Variants in NELL2 observed in about 807,000 individuals in gnomAD.
The protein encoded by NELL2 is protein kinase C-binding protein NELL2.
A neutral mutation model predicts 109.6 loss-of-function variants in NELL2; 41 were observed. That is an observed-to-expected ratio of 0.37 (90% confidence interval 0.29 to 0.49). NELL2 has a LOEUF of 0.49. Ranked by LOEUF, NELL2 falls within the 20% of genes least tolerant of loss-of-function variation. NELL2 has a pLI of 0.98. For missense variants in NELL2, 900 were observed against 1,008.3 expected, an observed-to-expected ratio of 0.89 and a Z score of 1.45; for synonymous variants, 355 against 344.7, an observed-to-expected ratio of 1.03 and a Z score of -0.33.
In NELL2 at chr12:44,875,059, C is replaced by A. The variant is rs192573708; in HGVS notation, c.184+166G>T. Reference sequence around the variant, plus strand: ...GAAGGGTGAGGCAGGGGAGAAAAAACCACTTAAAAGAGATAGGGATATGTG... The same window carrying A: ...GAAGGGTGAGGCAGGGGAGAAAAAAACACTTAAAAGAGATAGGGATATGTG... On this transcript the variant is annotated intron_variant, in intron 2 of 19. Coordinates refer to ENST00000429094, the MANE Select transcript of NELL2 (RefSeq NM_001145108.2). 45 of 910,864 alleles carry A rather than the reference C, an allele frequency of 4.9e-5. 2 individuals are homozygous for A. Among genetic ancestry groups the A allele is most frequent in the South Asian group, 3.3e-4 (17 of 50,798 alleles). 56.4% of individuals were successfully genotyped at this position (910,864 alleles called of 1,614,324 possible).
At chr12:44,659,435 A>G (rs12825403) in intron 13 of NELL2, among the ~76,000 whole-genome samples, 24,619 of 152,098 alleles carry the variant, frequency 0.16, 2,057 homozygotes, top group East Asian at 0.21. Context: ...GAAAATTTAT[A>G]CAATCCATCC....
In NELL2 at chr12:44,849,622, C is replaced by T. The variant is rs148595203; in HGVS notation, c.184+25603G>A. Among the ~76,000 whole-genome samples, 1,232 of 152,160 alleles carry T rather than the reference C, an allele frequency of 8.1e-3. 15 individuals are homozygous for T. The highest frequency in any genetic ancestry group is 0.028 in the African/African-American group (1,152 of 41,538). On this transcript the variant is annotated intron_variant, in intron 2 of 19. Transcript: ENST00000429094. ...CTTAAAAAGTTAAATATACATCAAC[C>T]CCAAATTTCCTCTCACAGACATTTA...
intron 12 of NELL2, among the ~76,000 whole-genome samples, chr12:44,673,660 G>C (rs1003843731): frequency 2.0e-5 from 3 of 152,160 alleles, no homozygotes; most frequent in Non-Finnish European, 4.4e-5. Flanking sequence ...ACAGAGTTAA[G>C]GGATAGACCC....
chr12:44,747,164 C>G (rs908680583), intron 9 of NELL2, among the ~76,000 whole-genome samples: 17 of 152,118 alleles, frequency 1.1e-4, no homozygotes, highest in African/African-American at 3.9e-4. Context: ...ATGGATGAAA[C>G]TGGAAACCAT....
chr12:44,875,287 G>T lies in NELL2; in HGVS notation c.122C>A (p.Ser41Tyr). 2 of 1,614,114 alleles carry T rather than the reference G, an allele frequency of 1.2e-6. No individual in the cohort carries two copies. Among genetic ancestry groups the T allele is most frequent in the Non-Finnish European group, 1.7e-6 (2 of 1,180,020 alleles). The change falls in exon 2 of 20, where the codon TCC (serine) becomes TAC (tyrosine). Residue 41 changes from serine (S) to tyrosine (Y), a missense_variant. Ser to Tyr is a moderately radical substitution (Grantham distance 144). This residue lies in a region of NELL2 where 200 missense variants were observed against 191.8 expected (regional missense o/e 1.04). Coordinates refer to ENST00000429094, the MANE Select transcript of NELL2 (RefSeq NM_001145108.2). ...CGGGACCTGACGCACTCCGGTCGTG[G>T]ACTCCCCAAGTTCTAACTCTGTTAA... Reference protein sequence around the residue: ...DVLTELELGESTTGVRQVPGL... With the variant: ...DVLTELELGEYTTGVRQVPGL...
intron 9 of NELL2, among the ~76,000 whole-genome samples, chr12:44,746,283 A>C (rs562601940): frequency 6.6e-6 from 1 of 152,324 alleles, no homozygotes; most frequent in South Asian, 2.1e-4. Flanking sequence ...CTTATACCTT[A>C]TACAAAAATT....
intron 3 of NELL2, among the ~76,000 whole-genome samples, chr12:44,787,432 C>T (rs908671461): frequency 4.9e-5 from 7 of 142,312 alleles, no homozygotes; most frequent in South Asian, 2.3e-4. Flanking sequence ...AAAATTTATA[C>T]GGAAAGGCAA....
At chr12:44,516,301 A>G (rs1245526325) in intron 19 of NELL2, among the ~76,000 whole-genome samples, 2 of 152,108 alleles carry the variant, frequency 1.3e-5, no homozygotes, top group Non-Finnish European at 2.9e-5. Flanking sequence ...TGGCATGTAT[A>G]TAGCTTGTTT....
At chr12:44,741,549 C>T (rs1156372391) in intron 9 of NELL2, among the ~76,000 whole-genome samples, 1 of 152,218 alleles carries the variant, frequency 6.6e-6, no homozygotes, top group Non-Finnish European at 1.5e-5. Context: ...AATTCCCTTT[C>T]CTAGTCAAAG....
intron 15 of NELL2, among the ~76,000 whole-genome samples, chr12:44,592,767 T>C (rs1220918556): frequency 2.6e-5 from 4 of 152,182 alleles, no homozygotes; most frequent in East Asian, 1.9e-4. Flanking sequence ...AGTGAGCACA[T>C]TGCTAGGGCT....
intron 1 of NELL2, among the ~76,000 whole-genome samples, chr12:44,894,204 C>T (rs990848084): frequency 6.6e-6 from 1 of 152,190 alleles, no homozygotes; most frequent in African/African-American, 2.4e-5. Flanking sequence ...ACTTTACACA[C>T]ACTTTGAATG....
intron 12 of NELL2, among the ~76,000 whole-genome samples, chr12:44,668,038 GACA>G (rs374383783): frequency 3.1e-4 from 47 of 152,220 alleles, no homozygotes; most frequent in African/African-American, 1.1e-3. Context: ...TCCCTCAAAA[GACA>G]ACATCCTGTC....
intron 13 of NELL2, among the ~76,000 whole-genome samples, chr12:44,634,008 AT>A (rs1273820226): frequency 1.3e-5 from 2 of 152,224 alleles, no homozygotes; most frequent in African/African-American, 2.4e-5. Context: ...AATTGACCAC[AT>A]TTTTTATATG....
chr12:44,800,585 C>A (rs1942794784), intron 3 of NELL2, among the ~76,000 whole-genome samples: 2 of 152,220 alleles, frequency 1.3e-5, no homozygotes, highest in African/African-American at 4.8e-5. Context: ...ACGGATATGT[C>A]CATCTGGAGT....
intron 16 of NELL2, among the ~76,000 whole-genome samples, chr12:44,528,428 A>T (rs1313986395): frequency 1.3e-5 from 2 of 152,128 alleles, no homozygotes; most frequent in Admixed American, 6.5e-5. Context: ...TTTTATCCTG[A>T]TCATTATTAT....
chr12:44,523,190 G>T, intron 17 of NELL2, 101 bp downstream of exon 17: 1 of 1,086,254 alleles, frequency 9.2e-7, no homozygotes, highest in Non-Finnish European at 1.4e-6. Context: ...GTAGGTAAGT[G>T]GATGTACACA....
rs571837534 is a variant in NELL2 at position 44,609,619 on chromosome 12, G to A, written c.1567+1229C>T. On this transcript the variant is annotated intron_variant, in intron 14 of 19. Coordinates refer to ENST00000429094, the MANE Select transcript of NELL2 (RefSeq NM_001145108.2). Reference sequence around the variant, plus strand: ...CTCAGGATTTGTTTAGTTTTTCCAAGCAAATTTTTGTGGGATTTGAATCCC... The same window carrying A: ...CTCAGGATTTGTTTAGTTTTTCCAAACAAATTTTTGTGGGATTTGAATCCC... 3.3e-5 allele frequency among the ~76,000 whole-genome samples: 5 copies of A among 152,070 alleles called. No homozygotes were observed. In the East Asian group the frequency reaches 9.7e-4, roughly 29 times the overall value.
At chr12:44,601,995 C>T (rs1158238056) in intron 15 of NELL2, among the ~76,000 whole-genome samples, 1 of 152,084 alleles carries the variant, frequency 6.6e-6, no homozygotes, top group Non-Finnish European at 1.5e-5. Flanking sequence ...TTATTTAAAA[C>T]AGATTAAGGA....
At position 44,711,419 on chromosome 12, in the gene NELL2, C is replaced by T. The variant is rs1938195572; in HGVS notation, c.1087-25G>A. The T allele has an allele frequency of 2.5e-6, 4 of 1,574,850 alleles. No homozygotes were observed. The South Asian group carries it at 3.3e-5, about 13-fold the overall frequency. ...CCTGTTAGACAACAGAAAAGAAGTG[C>T]TTCAAATTTTATCATTAGGACTTGT... is the stretch of plus-strand genomic sequence containing the variant. On this transcript the variant is annotated intron_variant, in intron 10 of 19. Coordinates refer to ENST00000429094, the MANE Select transcript of NELL2 (RefSeq NM_001145108.2).
Sources: gnomAD v4.1 joint callset for allele counts (sites outside exome capture counted in the v4.1 genomes callset) on GRCh38, gnomAD v4.1.1 for gene constraint, gnomAD v4.1.1 regional missense constraint, MANE v1.5 for transcripts, NCBI Gene and HGNC (gene_info 2026-07-23, HGNC 2026-07-21) for gene names.